PPP2R1A: variants seen among roughly 807,000 people sequenced by gnomAD.
PPP2R1A encodes the protein serine/threonine-protein phosphatase 2A 65 kDa regulatory subunit A alpha isoform.
PPP2R1A carries 15 observed loss-of-function variants against 67.1 expected under a neutral mutation model. The observed-to-expected ratio is 0.22, with a 90% CI of 0.15 to 0.34. The LOEUF (loss-of-function observed/expected upper bound fraction) is 0.34. Among genes scored for constraint, PPP2R1A ranks in the 10% least tolerant of loss-of-function variants. The pLI is 1.00. For missense variants in PPP2R1A, 369 were observed against 775.0 expected, an observed-to-expected ratio of 0.48 and a Z score of 6.22; for synonymous variants, 337 against 325.0, an observed-to-expected ratio of 1.04 and a Z score of -0.40.
At chr19:52,193,662 C>T (rs1043393825) in intron 1 of PPP2R1A, among the ~76,000 whole-genome samples, 8 of 152,216 alleles carry the variant, frequency 5.3e-5, no homozygotes, top group African/African-American at 1.4e-4. Context: ...CTCCGCCTCC[C>T]GGGTTCAAGT....
At chr19:52,192,380 T>C (rs1351620683) in intron 1 of PPP2R1A, among the ~76,000 whole-genome samples, 3 of 151,912 alleles carry the variant, frequency 2.0e-5, no homozygotes, top group African/African-American at 7.3e-5. Flanking sequence ...CGATCTTTGC[T>C]CACTGCAACC....
chr19:52,226,213 G>GAGTAGCCCCTTCCTCCC lies in PPP2R1A; in HGVS notation c.*233_*234insGTAGCCCCTTCCTCCCA. ...TTGGACAGGACAGTGACCTTGGGAGGAAGGGGCTACTCCGCCCACGTCAGG... is the reference window on the plus strand; with the variant it reads ...TTGGACAGGACAGTGACCTTGGGAGGAGTAGCCCCTTCCTCCCAAGGGGCTACTCCGCCCACGTCAGG... On this transcript the variant is annotated 3_prime_UTR_variant, in exon 15 of 15. Transcript: ENST00000322088. The GAGTAGCCCCTTCCTCCC allele has an allele frequency of 1.6e-6, 1 of 624,032 alleles. No individual in the cohort carries two copies. Among genetic ancestry groups the GAGTAGCCCCTTCCTCCC allele is most frequent in the Non-Finnish European group, 2.8e-6 (1 of 363,124 alleles). The allele number at this position is 624,032 out of a possible 1,614,324, so 38.7% of individuals were successfully genotyped here. A position where few individuals can be genotyped will look rare whatever the true frequency, so the allele number is the denominator to read the frequency against.
At chr19:52,214,458 T>G (rs558670764) in intron 6 of PPP2R1A, among the ~76,000 whole-genome samples, 4 of 152,198 alleles carry the variant, frequency 2.6e-5, no homozygotes, top group Non-Finnish European at 5.9e-5. Flanking sequence ...ACACTGGGTC[T>G]TAGAATAAAA....
intron 1 of PPP2R1A, among the ~76,000 whole-genome samples, chr19:52,192,140 C>G (rs570813077): frequency 6.6e-6 from 1 of 152,080 alleles, no homozygotes; most frequent in Admixed American, 6.6e-5. Flanking sequence ...GAGAACACGC[C>G]TGAAAGCAGA....
intron 2 of PPP2R1A, among the ~76,000 whole-genome samples, chr19:52,202,642 A>C (rs2089562397): frequency 6.6e-6 from 1 of 152,238 alleles, no homozygotes. Flanking sequence ...AAGGTCATGC[A>C]GTGAGGAGGT....
chr19:52,217,757 G>T (rs376781595), intron 9 of PPP2R1A, among the ~76,000 whole-genome samples: 15 of 152,230 alleles, frequency 9.9e-5, no homozygotes, highest in African/African-American at 3.6e-4. Flanking sequence ...CCATTGGCCA[G>T]GAGGGTCACG....
At chr19:52,223,690 A>G (rs1396636966) in intron 13 of PPP2R1A, among the ~76,000 whole-genome samples, 4 of 152,238 alleles carry the variant, frequency 2.6e-5, no homozygotes, top group Non-Finnish European at 4.4e-5. Flanking sequence ...AGAACAGCCA[A>G]CATTAAAAAA....
chr19:52,205,830 G>C (rs2089596182), intron 2 of PPP2R1A, 133 bp from the exon 3 acceptor site: 7 of 738,580 alleles, frequency 9.5e-6, no homozygotes, highest in African/African-American at 1.9e-5. Context: ...GTGGAGAGTG[G>C]GGGAGCAAGT....
At chr19:52,225,832 C>A in intron 14 of PPP2R1A, 24 bp downstream of exon 14, 1 of 1,612,710 alleles carries the variant, frequency 6.2e-7, no homozygotes, top group Middle Eastern at 1.6e-4. Flanking sequence ...AGCACGGAGC[C>A]CTAGCAGGAG....
intron 13 of PPP2R1A, among the ~76,000 whole-genome samples, chr19:52,224,629 T>A (rs994428440): frequency 2.0e-5 from 3 of 152,232 alleles, no homozygotes; most frequent in Non-Finnish European, 4.4e-5. Context: ...ATCTCCCTGT[T>A]TGGGGCCCCA....
intron 1 of PPP2R1A, among the ~76,000 whole-genome samples, chr19:52,197,698 AAAG>A (rs2089509096): frequency 6.6e-6 from 1 of 152,280 alleles, no homozygotes; most frequent in East Asian, 1.9e-4. Context: ...GCACAACAAA[AAAG>A]AAAAAACAGA....
intron 11 of PPP2R1A, among the ~76,000 whole-genome samples, 175 bp from the exon 12 acceptor site, chr19:52,220,804 A>T (rs1938132384): frequency 6.6e-6 from 1 of 151,964 alleles, no homozygotes; most frequent in African/African-American, 2.4e-5. Context: ...ATACTGTATA[A>T]AAAAAAACAG....
chr19:52,218,566 A>T (rs1978724393), intron 9 of PPP2R1A, among the ~76,000 whole-genome samples: 1 of 152,224 alleles, frequency 6.6e-6, no homozygotes, highest in Non-Finnish European at 1.5e-5. Flanking sequence ...TAAGTAATTT[A>T]TCTGAGTTAT....
chr19:52,215,031 G>C (rs1421170908), intron 6 of PPP2R1A, among the ~76,000 whole-genome samples: 1 of 152,072 alleles, frequency 6.6e-6, no homozygotes, highest in Non-Finnish European at 1.5e-5. Flanking sequence ...CAGCCCTAGA[G>C]TGCCTTCCTT....
chr19:52,225,632 C>A, intron 13 of PPP2R1A, 85 bp from the exon 14 acceptor site: 1 of 1,258,602 alleles, frequency 7.9e-7, no homozygotes, highest in Non-Finnish European at 1.2e-6. Flanking sequence ...TGTGTACACT[C>A]TCTTGCCCAA....
intron 3 of PPP2R1A, among the ~76,000 whole-genome samples, chr19:52,210,553 T>A (rs2089657049): frequency 6.8e-6 from 1 of 147,708 alleles, no homozygotes; most frequent in Non-Finnish European, 1.5e-5. Flanking sequence ...AGTGCAGTGG[T>A]GCGATCTCGG....
At chr19:52,206,101 A>G (rs1300377929) in intron 3 of PPP2R1A, 38 bp downstream of exon 3, 1 of 1,576,734 alleles carries the variant, frequency 6.3e-7, no homozygotes, top group Non-Finnish European at 8.7e-7. Context: ...CCCACCCCTT[A>G]GGGTCGGCCC....
rs184003314 is a variant in PPP2R1A at position 52,222,642 on chromosome 19, A to G, written c.1661+401A>G. Among the ~76,000 whole-genome samples the G allele has an allele frequency of 1.8e-4, 28 of 152,362 alleles. No individual in the cohort carries two copies. In the East Asian group the frequency reaches 5.4e-3, roughly 29 times the overall value. On this transcript the variant is annotated intron_variant, in intron 13 of 14. Transcript: ENST00000322088. Reference sequence around the variant, plus strand: ...GTGAGAAATTAAAGCAGACCTGACCAAGGTGGGCGGATCAGTTGAGGTCAG... The same window carrying G: ...GTGAGAAATTAAAGCAGACCTGACCGAGGTGGGCGGATCAGTTGAGGTCAG...
chr19:52,206,910 C>G (rs2089609372), intron 3 of PPP2R1A, among the ~76,000 whole-genome samples: 1 of 152,198 alleles, frequency 6.6e-6, no homozygotes, highest in South Asian at 2.1e-4. Flanking sequence ...GCTAGAGATA[C>G]AATGTGGCAC....
Sources: gnomAD v4.1 joint callset for allele counts (sites outside exome capture counted in the v4.1 genomes callset) on GRCh38, gnomAD v4.1.1 for gene constraint, MANE v1.5 for transcripts, NCBI Gene and HGNC (gene_info 2026-07-23, HGNC 2026-07-21) for gene names.